LHFPL3: variants seen among roughly 807,000 people sequenced by gnomAD.
The protein encoded by LHFPL3 is LHFPL tetraspan subfamily member 3.
LHFPL3 carries 5 observed loss-of-function variants against 19.3 expected under a neutral mutation model. The observed-to-expected ratio is 0.26, with a 90% CI of 0.14 to 0.54. LHFPL3 has a LOEUF of 0.54. Ranked by LOEUF, LHFPL3 falls within the 20% of genes least tolerant of loss-of-function variation. LHFPL3 has a pLI of 0.94. For synonymous variants in LHFPL3, 133 were observed against 126.2 expected (o/e 1.05, Z -0.36); for missense variants, 249 against 307.4 (o/e 0.81, Z 1.42).
At chr7:104,368,651 A>ATGTGTG (rs1790544004) in intron 1 of LHFPL3, among the ~76,000 whole-genome samples, 2 of 68,774 alleles carry the variant, frequency 2.9e-5, no homozygotes, top group South Asian at 5.6e-4. Context: ...GCACACATGT[A>ATGTGTG]CGTGTGTGTG....
chr7:104,641,316 G>A (rs1234771003), intron 1 of LHFPL3, among the ~76,000 whole-genome samples: 3 of 152,194 alleles, frequency 2.0e-5, no homozygotes, highest in South Asian at 2.1e-4. Context: ...AGAATCACAA[G>A]TAGCTTCTCA....
At chr7:104,616,346 C>A (rs1791339900) in intron 1 of LHFPL3, among the ~76,000 whole-genome samples, 1 of 152,064 alleles carries the variant, frequency 6.6e-6, no homozygotes, top group African/African-American at 2.4e-5. Flanking sequence ...CATCTAAAAC[C>A]ATCTGATCTT....
chr7:104,825,106 C>A (rs1337146962), intron 2 of LHFPL3, among the ~76,000 whole-genome samples: 1 of 149,866 alleles, frequency 6.7e-6, no homozygotes, highest in Non-Finnish European at 1.5e-5. Context: ...GATAGGAGGA[C>A]CATATAAGAT....
intron 1 of LHFPL3, among the ~76,000 whole-genome samples, chr7:104,563,790 C>T (rs1790066182): frequency 6.6e-6 from 1 of 152,188 alleles, no homozygotes; most frequent in South Asian, 2.1e-4. Context: ...TTCTCAGACT[C>T]CAGAACTATA....
At chr7:104,815,430 C>T (rs1790545064) in intron 2 of LHFPL3, among the ~76,000 whole-genome samples, 1 of 152,222 alleles carries the variant, frequency 6.6e-6, no homozygotes, top group African/African-American at 2.4e-5. Flanking sequence ...TTACACAGTG[C>T]TCACTTTATA....
intron 1 of LHFPL3, among the ~76,000 whole-genome samples, chr7:104,592,383 C>T (rs1056162995): frequency 1.0e-4 from 15 of 150,232 alleles, no homozygotes; most frequent in Admixed American, 2.0e-4. Flanking sequence ...GTTTGCTGGA[C>T]GTCCACTCCA....
At chr7:104,800,696 C>A (rs774523198) in intron 2 of LHFPL3, among the ~76,000 whole-genome samples, 1 of 152,206 alleles carries the variant, frequency 6.6e-6, no homozygotes, top group Non-Finnish European at 1.5e-5. Context: ...ACCCAACCAC[C>A]TCTTTGAGTA....
intron 1 of LHFPL3, among the ~76,000 whole-genome samples, chr7:104,592,354 C>T (rs767570244): frequency 1.3e-5 from 2 of 151,632 alleles, no homozygotes; most frequent in South Asian, 2.1e-4. Context: ...TAAGGACCCT[C>T]AGCTGCAGGT....
At chr7:104,676,729 G>A (rs1419194301) in intron 1 of LHFPL3, among the ~76,000 whole-genome samples, 1 of 152,214 alleles carries the variant, frequency 6.6e-6, no homozygotes, top group Admixed American at 6.5e-5. Context: ...GAGTTGACTA[G>A]GAGATGTAAA....
At chr7:104,871,866 C>T (rs955502694) in intron 2 of LHFPL3, among the ~76,000 whole-genome samples, 1 of 151,910 alleles carries the variant, frequency 6.6e-6, no homozygotes, top group Non-Finnish European at 1.5e-5. Flanking sequence ...CCATGTTGGT[C>T]AGGCTGGTCT....
At chr7:104,800,250 C>T (rs577017240) in intron 2 of LHFPL3, among the ~76,000 whole-genome samples, 15 of 152,326 alleles carry the variant, frequency 9.8e-5, no homozygotes, top group African/African-American at 3.6e-4. Context: ...AGATGAACTT[C>T]AGAGAATTGT....
chr7:104,380,861 A>G (rs1790813499), intron 1 of LHFPL3, among the ~76,000 whole-genome samples: 1 of 152,174 alleles, frequency 6.6e-6, no homozygotes, highest in Non-Finnish European at 1.5e-5. Context: ...CAACAACAAC[A>G]AAAAGCAAGA....
chr7:104,891,346 C>T (rs572014251), intron 2 of LHFPL3, among the ~76,000 whole-genome samples: 142 of 152,006 alleles, frequency 9.3e-4, no homozygotes, highest in African/African-American at 5.5e-4. Context: ...CATAACATGG[C>T]GGAAGGGCAA....
intron 2 of LHFPL3, among the ~76,000 whole-genome samples, chr7:104,800,905 C>A (rs1790232695): frequency 6.6e-6 from 1 of 152,198 alleles, no homozygotes; most frequent in African/African-American, 2.4e-5. Context: ...ATAGACAGGA[C>A]CTTGGCCCGG....
intron 1 of LHFPL3, among the ~76,000 whole-genome samples, chr7:104,430,166 T>C (rs1791929293): frequency 6.6e-6 from 1 of 151,362 alleles, no homozygotes; most frequent in Non-Finnish European, 1.5e-5. Context: ...TCCTTAGTCT[T>C]TGTCCTGTCT....
At chr7:104,735,390 G>T (rs542845319) in intron 1 of LHFPL3, among the ~76,000 whole-genome samples, 1 of 152,260 alleles carries the variant, frequency 6.6e-6, no homozygotes, top group African/African-American at 2.4e-5. Context: ...CAGCCGCTTT[G>T]TTTACCTACT....
At chr7:104,419,414 T>G (rs540415634) in intron 1 of LHFPL3, among the ~76,000 whole-genome samples, 5 of 152,158 alleles carry the variant, frequency 3.3e-5, no homozygotes, top group Non-Finnish European at 7.4e-5. Flanking sequence ...GAGATTAAAA[T>G]AGAGCAGTTG....
Position 104,440,702 on chromosome 7 carries a change from G to A in LHFPL3, c.445+111478G>A, listed in dbSNP as rs919541869. 3.3e-5 allele frequency among the ~76,000 whole-genome samples: 5 copies of A among 152,148 alleles called. No homozygotes were observed. In the South Asian group the frequency reaches 1.0e-3, roughly 32 times the overall value. ...TTTATATAGTTTTACCTAAGGGGAAGTAAAGTTTGATGACATAGATTACGT... is the reference window on the plus strand; with the variant it reads ...TTTATATAGTTTTACCTAAGGGGAAATAAAGTTTGATGACATAGATTACGT... On this transcript the variant is annotated intron_variant, in intron 1 of 2. Coordinates refer to ENST00000424859, the MANE Select transcript of LHFPL3 (RefSeq NM_199000.3).
chr7:104,624,149 G>A (rs1175914118), intron 1 of LHFPL3, among the ~76,000 whole-genome samples: 1 of 152,176 alleles, frequency 6.6e-6, no homozygotes, highest in African/African-American at 2.4e-5. Flanking sequence ...AGGAAGTAGT[G>A]ACCTCTCAAC....
Sources: allele counts gnomAD v4.1 joint callset (sites outside exome capture counted in the v4.1 genomes callset), GRCh38; gene constraint gnomAD v4.1.1; transcripts MANE v1.5; gene names NCBI Gene and HGNC (gene_info 2026-07-23, HGNC 2026-07-21).